PTPRR: variants seen among roughly 807,000 people sequenced by gnomAD.
PTPRR encodes the protein receptor-type tyrosine-protein phosphatase R.
In PTPRR, 38 loss-of-function variants were observed where a neutral mutation model predicts 77.2. The observed-to-expected ratio is 0.49, with a 90% CI of 0.38 to 0.65. The LOEUF (loss-of-function observed/expected upper bound fraction) is 0.65. Among genes scored for constraint, PTPRR ranks in the 30% least tolerant of loss-of-function variants. PTPRR has a pLI of 0.00. For missense variants in PTPRR, 744 were observed against 799.2 expected (o/e 0.93, Z 0.83); for synonymous variants, 299 against 283.1 (o/e 1.06, Z -0.57).
chr12:70,704,175 A>C (rs1888531529), intron 6 of PTPRR, among the ~76,000 whole-genome samples: 1 of 152,020 alleles, frequency 6.6e-6, no homozygotes, highest in Admixed American at 6.6e-5. Context: ...TAATCCCAGC[A>C]CTTTGGGAGA....
chr12:70,642,354 A>G (rs1296392960), intron 13 of PTPRR, among the ~76,000 whole-genome samples: 8 of 152,214 alleles, frequency 5.3e-5, no homozygotes, highest in Non-Finnish European at 7.3e-5. Context: ...TGTTAGTTTC[A>G]GCACAATGCT....
At chr12:70,875,749 T>C (rs1055426493) in intron 2 of PTPRR, among the ~76,000 whole-genome samples, 3 of 151,976 alleles carry the variant, frequency 2.0e-5, no homozygotes, top group Non-Finnish European at 4.4e-5. Flanking sequence ...GGGAAGTGAT[T>C]ATGTAGGAAG....
intron 6 of PTPRR, among the ~76,000 whole-genome samples, chr12:70,742,690 C>T (rs1890087302): frequency 6.6e-6 from 1 of 151,952 alleles, no homozygotes; most frequent in Non-Finnish European, 1.5e-5. Context: ...AGAGAGTGGA[C>T]TGGAAAAAAA....
intron 6 of PTPRR, among the ~76,000 whole-genome samples, chr12:70,711,458 T>A (rs550284195): frequency 1.6e-4 from 25 of 151,990 alleles, no homozygotes; most frequent in African/African-American, 6.0e-4. Context: ...TTATTTAGTA[T>A]ATTTATATTT....
At chr12:70,856,055 ATAAC>A (rs1161600613) in intron 2 of PTPRR, among the ~76,000 whole-genome samples, 1 of 152,176 alleles carries the variant, frequency 6.6e-6, no homozygotes, top group Non-Finnish European at 1.5e-5. Flanking sequence ...CTGTTTTAGA[ATAAC>A]TTAGAAGATA....
At chr12:70,871,409 A>G (rs1297478815) in intron 2 of PTPRR, among the ~76,000 whole-genome samples, 2 of 152,084 alleles carry the variant, frequency 1.3e-5, no homozygotes, top group Admixed American at 1.3e-4. Flanking sequence ...CTCCCCTCGC[A>G]CCTGGCCTGA....
intron 2 of PTPRR, among the ~76,000 whole-genome samples, chr12:70,878,262 A>T (rs1188193743): frequency 2.0e-5 from 3 of 152,218 alleles, no homozygotes; most frequent in South Asian, 2.1e-4. Context: ...GATCTAATTA[A>T]ACTAAAGAGC....
intron 6 of PTPRR, among the ~76,000 whole-genome samples, chr12:70,711,395 TAG>T (rs1260578148): frequency 6.6e-6 from 1 of 151,566 alleles, no homozygotes; most frequent in Non-Finnish European, 1.5e-5. Flanking sequence ...TATTGGAGGG[TAG>T]AGAGTGGGAG....
chr12:70,832,062 A>C (rs1205977252), intron 2 of PTPRR, among the ~76,000 whole-genome samples: 2 of 152,238 alleles, frequency 1.3e-5, no homozygotes, highest in East Asian at 3.8e-4. Context: ...TGTCTAGAAT[A>C]GGTAAGAATA....
At chr12:70,701,385 T>G in intron 6 of PTPRR, 62 bp from the exon 7 acceptor site, 1 of 1,488,226 alleles carries the variant, frequency 6.7e-7, no homozygotes, top group Admixed American at 1.8e-5. Context: ...CAAAAACTTG[T>G]CTTTCTGTAC....
intron 2 of PTPRR, among the ~76,000 whole-genome samples, chr12:70,871,847 T>C (rs1373628359): frequency 1.3e-5 from 2 of 152,224 alleles, no homozygotes; most frequent in Non-Finnish European, 2.9e-5. Flanking sequence ...TGCTTGAGTA[T>C]ATATTTTTGA....
chr12:70,868,324 C>G (rs891070076), intron 2 of PTPRR, among the ~76,000 whole-genome samples: 3 of 148,432 alleles, frequency 2.0e-5, no homozygotes, highest in Admixed American at 6.7e-5. Context: ...CTACAATGAA[C>G]TCAAACAAAT....
intron 2 of PTPRR, among the ~76,000 whole-genome samples, chr12:70,884,794 C>T (rs1893209299): frequency 2.1e-5 from 3 of 145,076 alleles, no homozygotes; most frequent in African/African-American, 5.2e-5. Context: ...ATGGCGTGAA[C>T]CTGAGAGGCG....
chr12:70,885,768 G>A (rs965054675), intron 2 of PTPRR, among the ~76,000 whole-genome samples: 2 of 152,144 alleles, frequency 1.3e-5, no homozygotes, highest in South Asian at 2.1e-4. Flanking sequence ...TACTGACCAC[G>A]TGATCCACCA....
chr12:70,745,389 A>T (rs556818568), intron 6 of PTPRR, among the ~76,000 whole-genome samples: 2 of 152,284 alleles, frequency 1.3e-5, no homozygotes, highest in South Asian at 2.1e-4. Flanking sequence ...CTAAAACTTT[A>T]AAAAAAATTA....
At chr12:70,839,314 GAT>G (rs1192029941) in intron 2 of PTPRR, among the ~76,000 whole-genome samples, 1 of 132,448 alleles carries the variant, frequency 7.6e-6, no homozygotes, top group African/African-American at 2.9e-5. Context: ...CTTTATTCTG[GAT>G]ATGTGTGTGT....
At chr12:70,854,694 GTCTGAA>G (rs1340148289) in intron 2 of PTPRR, among the ~76,000 whole-genome samples, 1 of 152,214 alleles carries the variant, frequency 6.6e-6, no homozygotes, top group Non-Finnish European at 1.5e-5. Context: ...GACAGCCTGG[GTCTGAA>G]TCTAGCTCTG....
chr12:70,703,717 G>A (rs895239545), intron 6 of PTPRR, among the ~76,000 whole-genome samples: 3 of 152,122 alleles, frequency 2.0e-5, no homozygotes, highest in African/African-American at 7.2e-5. Context: ...AGGTGAGAGA[G>A]GCCGCTTAAG....
intron 3 of PTPRR, among the ~76,000 whole-genome samples, chr12:70,764,381 T>C (rs1054109785): frequency 6.6e-6 from 1 of 152,164 alleles, no homozygotes; most frequent in Non-Finnish European, 1.5e-5. Context: ...ACTTGAACTA[T>C]GACAGAGTTA....
Sources: allele counts gnomAD v4.1 joint callset (sites outside exome capture counted in the v4.1 genomes callset), GRCh38; gene constraint gnomAD v4.1.1; transcripts MANE v1.5; gene names NCBI Gene and HGNC (gene_info 2026-07-23, HGNC 2026-07-21).